Variants in SEMA5A observed in about 807,000 individuals in gnomAD.
The protein encoded by SEMA5A is semaphorin-5A.
In SEMA5A, 55 loss-of-function variants were observed where a neutral mutation model predicts 135.5. That is an observed-to-expected ratio of 0.41 (90% CI 0.33 to 0.51). The LOEUF is 0.51. Ranked by LOEUF, SEMA5A falls within the 20% of genes least tolerant of loss-of-function variation. SEMA5A has a pLI of 0.37. For synonymous variants in SEMA5A, 580 were observed against 546.5 expected, an observed-to-expected ratio of 1.06 and a Z score of -0.85; for missense variants, 1,290 against 1,419.9, an observed-to-expected ratio of 0.91 and a Z score of 1.47.
intron 13 of SEMA5A, among the ~76,000 whole-genome samples, chr5:9,133,242 A>G (rs935665889): frequency 5.9e-5 from 9 of 152,364 alleles, no homozygotes; most frequent in Admixed American, 5.9e-4. Flanking sequence ...ATATTAATGC[A>G]AATCATTTAC....
chr5:9,098,050 C>G (rs765008980), intron 16 of SEMA5A, among the ~76,000 whole-genome samples: 28 of 151,988 alleles, frequency 1.8e-4, no homozygotes, highest in Non-Finnish European at 3.4e-4. Flanking sequence ...TTAAGACCAG[C>G]CTGGCCAACA....
At chr5:9,296,933 A>T (rs1751365651) in intron 5 of SEMA5A, among the ~76,000 whole-genome samples, 1 of 150,140 alleles carries the variant, frequency 6.7e-6, no homozygotes, top group South Asian at 2.1e-4. Flanking sequence ...ATATAAAAAC[A>T]TTTCCTTAGG....
intron 19 of SEMA5A, among the ~76,000 whole-genome samples, chr5:9,053,660 G>C (rs1334557307): frequency 6.6e-6 from 1 of 152,166 alleles, no homozygotes; most frequent in East Asian, 2.0e-4. Context: ...AGACTCCATG[G>C]GGGGCACTAA....
At chr5:9,441,442 C>G (rs1004977292) in intron 1 of SEMA5A, among the ~76,000 whole-genome samples, 1 of 151,904 alleles carries the variant, frequency 6.6e-6, no homozygotes, top group African/African-American at 2.4e-5. Context: ...CCATTTACGC[C>G]AGCACCATGG....
chr5:9,305,065 C>T (rs1462901243), intron 5 of SEMA5A, among the ~76,000 whole-genome samples: 4 of 152,204 alleles, frequency 2.6e-5, no homozygotes, highest in South Asian at 2.1e-4. Flanking sequence ...CAAGGCCCGC[C>T]GCACAACAGT....
At chr5:9,449,599 C>A (rs193100740) in intron 1 of SEMA5A, among the ~76,000 whole-genome samples, 1 of 151,648 alleles carries the variant, frequency 6.6e-6, no homozygotes, top group Admixed American at 6.6e-5. Context: ...AAAAAAAGAA[C>A]AACAGTTTGA....
intron 12 of SEMA5A, among the ~76,000 whole-genome samples, chr5:9,137,495 G>A (rs1741825979): frequency 6.6e-6 from 1 of 152,182 alleles, no homozygotes; most frequent in Non-Finnish European, 1.5e-5. Context: ...TGATAGCGAT[G>A]GAGCCAGAAA....
At chr5:9,092,618 T>C (rs1301577913) in intron 16 of SEMA5A, among the ~76,000 whole-genome samples, 1 of 152,180 alleles carries the variant, frequency 6.6e-6, no homozygotes, top group Non-Finnish European at 1.5e-5. Context: ...GAACAGGAAA[T>C]GAGATGTTCA....
chr5:9,043,023 A>C lies in SEMA5A; in HGVS notation c.3106-7T>G. The C allele has an allele frequency of 6.7e-7, 1 of 1,489,588 alleles. No homozygotes were observed. Among genetic ancestry groups the C allele is most frequent in the Non-Finnish European group, 8.9e-7 (1 of 1,127,854 alleles). The allele number at this position is 1,489,588 out of a possible 1,614,324, so 92.3% of individuals were successfully genotyped here. On this transcript the variant is annotated splice_region_variant and splice_polypyrimidine_tract_variant and intron_variant, in intron 22 of 22. Coordinates refer to ENST00000382496, the MANE Select transcript of SEMA5A (RefSeq NM_003966.3). ...AGTTGTTTTTGTTAAATGCCTGGAA[A>C]ATATATTAAAAAAAAACAGGTTTAA...
intron 5 of SEMA5A, among the ~76,000 whole-genome samples, chr5:9,251,738 G>A (rs1048062605): frequency 1.3e-5 from 2 of 152,302 alleles, no homozygotes; most frequent in East Asian, 1.9e-4. Flanking sequence ...CAGCCTAAAA[G>A]AGCTGCCGGC....
intron 1 of SEMA5A, among the ~76,000 whole-genome samples, chr5:9,442,789 A>G (rs893980824): frequency 2.0e-5 from 3 of 152,212 alleles, no homozygotes; most frequent in Non-Finnish European, 4.4e-5. Flanking sequence ...ATCACAGTCC[A>G]TTTTTGCAAA....
chr5:9,540,148 C>T (rs1391289333), intron 1 of SEMA5A, among the ~76,000 whole-genome samples: 6 of 152,256 alleles, frequency 3.9e-5, no homozygotes, highest in East Asian at 1.9e-4. Flanking sequence ...CAAGATGGCC[C>T]GAGAGCCTCC....
At chr5:9,171,573 G>A (rs1743921910) in intron 11 of SEMA5A, among the ~76,000 whole-genome samples, 1 of 152,180 alleles carries the variant, frequency 6.6e-6, no homozygotes, top group South Asian at 2.1e-4. Context: ...ACTTTCCAGT[G>A]AGACTCCCCA....
intron 1 of SEMA5A, among the ~76,000 whole-genome samples, chr5:9,458,791 A>G (rs1226780911): frequency 1.3e-5 from 2 of 152,214 alleles, no homozygotes; most frequent in Non-Finnish European, 2.9e-5. Flanking sequence ...TTTGGGAGGA[A>G]CCCAATGACA....
chr5:9,286,163 T>C (rs1276755710), intron 5 of SEMA5A, among the ~76,000 whole-genome samples: 2 of 152,200 alleles, frequency 1.3e-5, no homozygotes, highest in Admixed American at 1.3e-4. Context: ...TGACTAAATA[T>C]ACTTGCTAAG....
chr5:9,479,733 C>A (rs1056081664), intron 1 of SEMA5A, among the ~76,000 whole-genome samples: 1 of 152,160 alleles, frequency 6.6e-6, no homozygotes, highest in Non-Finnish European at 1.5e-5. Context: ...TTTGCTATTT[C>A]CCCATCAAGA....
intron 5 of SEMA5A, among the ~76,000 whole-genome samples, chr5:9,269,930 C>G (rs755862525): frequency 3.3e-5 from 5 of 152,082 alleles, no homozygotes; most frequent in Non-Finnish European, 5.9e-5. Flanking sequence ...CTGAGACTGT[C>G]ATCCTAGAAG....
At chr5:9,383,457 A>G (rs1238294850) in intron 2 of SEMA5A, among the ~76,000 whole-genome samples, 1 of 152,178 alleles carries the variant, frequency 6.6e-6, no homozygotes, top group Non-Finnish European at 1.5e-5. Context: ...TGAAGTGGCA[A>G]TCAATCCTTA....
intron 21 of SEMA5A, among the ~76,000 whole-genome samples, chr5:9,047,563 T>A (rs1173742746): frequency 6.6e-6 from 1 of 152,126 alleles, no homozygotes; most frequent in Non-Finnish European, 1.5e-5. Flanking sequence ...TTGATTTTGA[T>A]CAGTAAAGAT....
Sources: gnomAD v4.1 joint callset for allele counts (sites outside exome capture counted in the v4.1 genomes callset) on GRCh38, gnomAD v4.1.1 for gene constraint, MANE v1.5 for transcripts, NCBI Gene and HGNC (gene_info 2026-07-23, HGNC 2026-07-21) for gene names.